Variants in ROBO1 observed in about 807,000 individuals in gnomAD.
ROBO1 encodes roundabout guidance receptor 1, also known as roundabout homolog 1.
Under a neutral mutation model 195.9 loss-of-function variants are expected in ROBO1, and 149 were observed. The observed-to-expected ratio is 0.76, with a 90% CI of 0.67 to 0.87. The LOEUF is 0.87. Among genes scored for constraint, ROBO1 ranks in the 40% least tolerant of loss-of-function variants. ROBO1 has a pLI of 0.00. For missense variants in ROBO1, 1,933 were observed against 2,068.3 expected, an observed-to-expected ratio of 0.93 and a Z score of 1.27; for synonymous variants, 816 against 733.2, an observed-to-expected ratio of 1.11 and a Z score of -1.82.
chr3:78,769,611 T>G, intron 4 of ROBO1, among the ~76,000 whole-genome samples: 1 of 131,488 alleles, frequency 7.6e-6, no homozygotes, highest in African/African-American at 2.9e-5. Flanking sequence ...GTTGCCAGTG[T>G]ACTTTGGTTT....
intron 18 of ROBO1, among the ~76,000 whole-genome samples, chr3:78,656,384 T>C (rs1575853651): frequency 7.0e-6 from 1 of 142,912 alleles, no homozygotes; most frequent in South Asian, 2.3e-4. Context: ...GGAGTCTCAC[T>C]CTGTCGCCCA....
chr3:79,475,150 T>TA (rs201101772), intron 2 of ROBO1, among the ~76,000 whole-genome samples: 1,829 of 151,600 alleles, frequency 0.012, 40 homozygotes, highest in African/African-American at 0.042. Flanking sequence ...GCTTTTTTTT[T>TA]AAAAAAAAAT....
intron 18 of ROBO1, 91 bp from the exon 19 acceptor site, chr3:78,652,020 T>C (rs60505291): frequency 0.041 from 41,083 of 1,008,228 alleles, 964 homozygotes; most frequent in African/African-American, 0.072. Flanking sequence ...TGTTAATTTC[T>C]GGATAATGAT....
chr3:79,677,460 T>G (rs1313316693), intron 1 of ROBO1, among the ~76,000 whole-genome samples: 1 of 151,884 alleles, frequency 6.6e-6, no homozygotes, highest in Non-Finnish European at 1.5e-5. Context: ...GCAGGCAAAG[T>G]GAGAGCTTGT....
At position 79,596,082 on chromosome 3, in the gene ROBO1, T is replaced by C. The variant is rs753372482; in HGVS notation, c.-50-6121A>G. ...GTCTACCCAAATAGGACTATAGTCA[T>C]AGAGCTCATGAAGGAAAATCAATCA... On this transcript the variant is annotated intron_variant, in intron 1 of 30. Transcript: ENST00000464233. Among the ~76,000 whole-genome samples the C allele has an allele frequency of 2.6e-5, 4 of 152,044 alleles. No homozygotes were observed. The South Asian group carries it at 6.2e-4, about 24-fold the overall frequency.
At position 79,364,445 on chromosome 3, in the gene ROBO1, T is replaced by C. The variant is rs185054265; in HGVS notation, c.88+225379A>G. On this transcript the variant is annotated intron_variant, in intron 2 of 30. Transcript: ENST00000464233. ...TACTTTTCAGAAATATCTCCATTTG[T>C]TTTAACAGCTAATTACCCTCCCTTC... Among the ~76,000 whole-genome samples, 170 of 152,108 alleles carry C rather than the reference T, an allele frequency of 1.1e-3. 1 individual carries two copies. The highest frequency in any genetic ancestry group is 3.8e-3 in the African/African-American group (158 of 41,524).
In ROBO1 at chr3:78,623,980, CT is replaced by C. The variant is rs367585950; in HGVS notation, c.3875+3340del. Among the ~76,000 whole-genome samples the C allele has an allele frequency of 2.8e-3, 421 of 152,146 alleles. 4 individuals carry two copies. Among genetic ancestry groups the C allele is most frequent in the African/African-American group, 9.6e-3 (397 of 41,524 alleles). The stretch of plus-strand genomic sequence containing the variant: ...ATCAAGAGGAGACTTCATTCAAATA[CT>C]TAAGATGGAAATCACAACATTGTAT... On this transcript the variant is annotated intron_variant, in intron 26 of 30. Coordinates refer to ENST00000464233, the MANE Select transcript of ROBO1 (RefSeq NM_002941.4).
At chr3:79,018,949 C>CGCG (rs1192250620) in intron 3 of ROBO1, 11 of 988,238 alleles carry the variant, frequency 1.1e-5, no homozygotes, top group East Asian at 1.1e-4. Context: ...GCGGGCCACC[C>CGCG]GCGGCGGCGG....
At position 79,508,302 on chromosome 3, in the gene ROBO1, GGAA is replaced by G. The variant is rs374715146; in HGVS notation, c.88+81519_88+81521del. On this transcript the variant is annotated intron_variant, in intron 2 of 30. Coordinates refer to ENST00000464233, the MANE Select transcript of ROBO1 (RefSeq NM_002941.4). ...GATTAGGACAGAGGCAAACACAAAAGGAAGACCATGTGAAAACCCATGGAAGAA... is the reference window on the plus strand; with the variant it reads ...GATTAGGACAGAGGCAAACACAAAAGGACCATGTGAAAACCCATGGAAGAA... 3.4e-4 allele frequency among the ~76,000 whole-genome samples: 52 copies of G among 152,154 alleles called. No individual in the cohort carries two copies. The East Asian group carries it at 9.5e-3, about 28-fold the overall frequency.
At chr3:79,124,770 T>G (rs143637363) in intron 3 of ROBO1, among the ~76,000 whole-genome samples, 1 of 152,328 alleles carries the variant, frequency 6.6e-6, no homozygotes, top group Non-Finnish European at 1.5e-5. Flanking sequence ...TTAGTCAAAT[T>G]ATCTCAGAGT....
intron 2 of ROBO1, among the ~76,000 whole-genome samples, chr3:79,126,316 A>AT (rs765801010): frequency 1.4e-4 from 21 of 152,248 alleles, no homozygotes; most frequent in South Asian, 2.1e-4. Context: ...TAAAAAATGC[A>AT]TTTTTTCTGT....
chr3:79,098,442 A>C (rs988819843), intron 3 of ROBO1, among the ~76,000 whole-genome samples: 1 of 151,828 alleles, frequency 6.6e-6, no homozygotes, highest in Admixed American at 6.6e-5. Context: ...CTGAAAAAAG[A>C]ACCATGATAT....
At chr3:79,725,467 C>T (rs371604752) in intron 1 of ROBO1, among the ~76,000 whole-genome samples, 3 of 151,870 alleles carry the variant, frequency 2.0e-5, no homozygotes, top group Admixed American at 6.6e-5. Flanking sequence ...ACCTCGTGAT[C>T]CGCCCGCCTC....
At chr3:79,398,966 G>A (rs1255969010) in intron 2 of ROBO1, among the ~76,000 whole-genome samples, 1 of 151,616 alleles carries the variant, frequency 6.6e-6, no homozygotes, top group Non-Finnish European at 1.5e-5. Flanking sequence ...TTCCTTTTGA[G>A]GGCATAAGAG....
chr3:79,448,055 A>G (rs1025256458), intron 2 of ROBO1, among the ~76,000 whole-genome samples: 19 of 152,206 alleles, frequency 1.2e-4, no homozygotes, highest in African/African-American at 4.1e-4. Context: ...GGTATGTTAT[A>G]TAAGTTGAGA....
At chr3:79,350,239 C>T (rs750639560) in intron 2 of ROBO1, among the ~76,000 whole-genome samples, 3 of 152,066 alleles carry the variant, frequency 2.0e-5, no homozygotes, top group Non-Finnish European at 2.9e-5. Flanking sequence ...AGCAAAACTA[C>T]AATAAGATAG....
At chr3:78,625,673 T>C (rs1392294406) in intron 26 of ROBO1, among the ~76,000 whole-genome samples, 1 of 152,226 alleles carries the variant, frequency 6.6e-6, no homozygotes, top group East Asian at 1.9e-4. Context: ...ACACACATTA[T>C]CCATTGATTC....
rs2108609868 is a variant in ROBO1, at chr3:78,807,876, T to G, written c.500-60976A>C. Among the ~76,000 whole-genome samples the G allele has an allele frequency of 1.3e-5, 2 of 151,052 alleles. 1 individual carries two copies. The highest frequency in any genetic ancestry group is 4.9e-5 in the African/African-American group (2 of 41,064). ...GGTGTCTAATACTACCAAACAAAAATAAGCAGTAGCATTCTTATTAGCATT... is the reference window on the plus strand; with the variant it reads ...GGTGTCTAATACTACCAAACAAAAAGAAGCAGTAGCATTCTTATTAGCATT... On this transcript the variant is annotated intron_variant, in intron 4 of 30. Coordinates refer to ENST00000464233, the MANE Select transcript of ROBO1 (RefSeq NM_002941.4).
intron 2 of ROBO1, among the ~76,000 whole-genome samples, chr3:79,223,810 T>C (rs2082181999): frequency 6.6e-6 from 1 of 152,154 alleles, no homozygotes; most frequent in Admixed American, 6.6e-5. Context: ...TCTCCCTTAG[T>C]TTAATGTCAG....
Sources: allele counts gnomAD v4.1 joint callset (sites outside exome capture counted in the v4.1 genomes callset), GRCh38; gene constraint gnomAD v4.1.1; transcripts MANE v1.5; gene names NCBI Gene and HGNC (gene_info 2026-07-23, HGNC 2026-07-21).